ZNF844: variants seen among roughly 807,000 people sequenced by gnomAD.
The protein encoded by ZNF844 is zinc finger protein 844.
A neutral mutation model predicts 11.4 loss-of-function variants in ZNF844; 11 were observed. That is an observed-to-expected ratio of 0.97 (90% CI 0.61 to 1.60). The LOEUF (loss-of-function observed/expected upper bound fraction) is 1.60. ZNF844 is among the 40% of genes most tolerant of loss of function. The pLI is 0.00. For missense variants in ZNF844, 790 were observed against 796.8 expected, an observed-to-expected ratio of 0.99 and a Z score of 0.10; for synonymous variants, 248 against 260.3, an observed-to-expected ratio of 0.95 and a Z score of 0.46.
intron 1 of ZNF844, among the ~76,000 whole-genome samples, chr19:12,070,011 C>T (rs949954226): frequency 1.1e-4 from 16 of 149,110 alleles, no homozygotes; most frequent in Non-Finnish European, 2.2e-4. Flanking sequence ...AATCCCAGCT[C>T]GCAGGGAGGC....
At position 12,064,787 on chromosome 19, in the gene ZNF844, G is replaced by T; in HGVS notation, c.-87G>T. On this transcript the variant is annotated 5_prime_UTR_variant, in exon 1 of 4. In the 5' UTR this introduces an upstream ATG that the reference lacks. Coordinates refer to ENST00000439326, the MANE Select transcript of ZNF844 (RefSeq NM_001136501.3). ...GCACCCCGTTTTTCCTGCTCTGAGA[G>T]GGACCGGTTGCCACCGCCATACTTC... The T allele has an allele frequency of 6.8e-7, 1 of 1,462,108 alleles. No individual in the cohort carries two copies. The allele number at this position is 1,462,108 out of a possible 1,614,324, so 90.6% of individuals were successfully genotyped here. A position where few individuals can be genotyped will look rare whatever the true frequency, so the allele number is the denominator to read the frequency against.
At chr19:12,073,287 G>A (rs995197136) in intron 1 of ZNF844, among the ~76,000 whole-genome samples, 2 of 151,802 alleles carry the variant, frequency 1.3e-5, no homozygotes, top group African/African-American at 2.4e-5. Flanking sequence ...AGCCTCCCGA[G>A]TACCTGGGAT....
rs1227852335 is a variant in ZNF844, at chr19:12,075,707, C to T, written c.587C>T (p.Thr196Ile). 6.2e-7 allele frequency: 1 copy of T among 1,613,820 alleles called. No homozygotes were observed. The highest frequency in any genetic ancestry group is 8.5e-7 in the Non-Finnish European group (1 of 1,179,938). ...RHMIMHNGDG[T>I]YKCKFCGKAC... ...ATGATAATGCACAATGGAGATGGAA[C>T]TTATAAATGTAAGTTTTGTGGGAAA... Residue 196 changes from threonine (T) to isoleucine (I), a missense_variant, in exon 4 of 4, where the codon ACT becomes ATT. Coordinates refer to ENST00000439326, the MANE Select transcript of ZNF844 (RefSeq NM_001136501.3).
Position 12,074,363 on chromosome 19 carries a change from GA to G in ZNF844, c.138del (p.Lys46AsnfsTer18). ...CTTTTTCTGATTCTGTATTTTAGGA[GA>G]AAAATGGAAAGACCAGAACATTGAA... The part of the protein sequence containing the change: ...ETLRNLASIG[E>X]KWKDQNIEDQ... On this transcript the variant is annotated frameshift_variant, in exon 3 of 4. Coordinates refer to ENST00000439326, the MANE Select transcript of ZNF844 (RefSeq NM_001136501.3). LOFTEE classifies it high-confidence loss of function. 2 of 1,523,134 alleles carry G rather than the reference GA, an allele frequency of 1.3e-6. No homozygotes were observed. Among genetic ancestry groups the G allele is most frequent in the Non-Finnish European group, 1.8e-6 (2 of 1,137,552 alleles). 94.4% of individuals were successfully genotyped at this position (1,523,134 alleles called of 1,614,324 possible). A position where few individuals can be genotyped will look rare whatever the true frequency, so the allele number is the denominator to read the frequency against.
chr19:12,076,074 C>G lies in ZNF844; in HGVS notation c.954C>G (p.Phe318Leu). The change falls in exon 4 of 4, where the codon TTC becomes TTG. Residue 318 changes from phenylalanine to leucine, a missense_variant. By Grantham distance (22) the Phe-to-Leu change is conservative. This residue lies in a region of ZNF844 where 657 missense variants were observed against 636.2 expected (regional missense o/e 1.03). Transcript: ENST00000439326. ...AYECTKCGKA[F>L]KCPSYLCRHE... ...AATGTACCAAATGTGGGAAAGCATT[C>G]AAGTGTCCCAGTTATCTTTGTAGAC... 1 of 1,563,394 alleles carries G rather than the reference C, an allele frequency of 6.4e-7. No individual in the cohort carries two copies. Among genetic ancestry groups the G allele is most frequent in the Non-Finnish European group, 8.7e-7 (1 of 1,153,270 alleles).
In ZNF844 at chr19:12,075,540, A is replaced by C. The variant is rs932008069; in HGVS notation, c.420A>C (p.Pro140=). 1 of 1,613,990 alleles carries C rather than the reference A, an allele frequency of 6.2e-7. No homozygotes were observed. The highest frequency in any genetic ancestry group is 1.3e-5 in the African/African-American group (1 of 74,934). Residue 140 remains proline (P), a synonymous_variant, in exon 4 of 4, where the codon CCA becomes CCC. Transcript: ENST00000439326. ...AGTATCAGGAATATGGACAGGAGCC[A>C]TATAAGTGTCAACAACGTAAGAAAG... The part of the protein sequence containing the change: ...PSEYQEYGQE[P]YKCQQRKKAF...
intron 1 of ZNF844, among the ~76,000 whole-genome samples, chr19:12,065,509 G>C (rs1038437613): frequency 7.2e-5 from 11 of 152,110 alleles, no homozygotes; most frequent in African/African-American, 2.7e-4. Context: ...CCAGGGCATT[G>C]CAGTAAAGAA....
Position 12,075,814 on chromosome 19 carries a change from A to G in ZNF844, c.694A>G (p.Lys232Glu). The G allele has an allele frequency of 6.2e-7, 1 of 1,611,612 alleles. No individual in the cohort carries two copies. The highest frequency in any genetic ancestry group is 1.1e-5 in the South Asian group (1 of 90,638). The change falls in exon 4 of 4, where the codon AAA becomes GAA. Residue 232 changes from lysine to glutamate, a missense_variant. This residue lies in a region of ZNF844 where 657 missense variants were observed against 636.2 expected (regional missense o/e 1.03). Transcript: ENST00000439326. ...ACCATATAAATGTAAACAATGTGGT[A>G]AAGCCTTTAGTTATTCAACTTCCCT... ...EKPYKCKQCG[K>E]AFSYSTSLQI...
intron 3 of ZNF844, 98 bp downstream of exon 3, chr19:12,074,519 T>G (rs1225456341): frequency 2.3e-6 from 2 of 858,634 alleles, no homozygotes; most frequent in Non-Finnish European, 3.7e-6. Context: ...ATGCCTAGCA[T>G]TAAATTTATT....
In ZNF844 at chr19:12,076,785, G is replaced by A. The variant is rs528435632; in HGVS notation, c.1665G>A (p.Leu555=). The A allele has an allele frequency of 1.6e-5, 25 of 1,575,574 alleles. No individual in the cohort carries two copies. The highest frequency in any genetic ancestry group is 1.1e-4 in the African/African-American group (8 of 73,824). ...TCAAATTCATGAAAAGACACACCCT[G>A]GAGAGAAACCCTATAAGGAATATGG... ...ETFKFMKRHT[L]ERNPIRNMEK... Residue 555 remains leucine, a synonymous_variant, in exon 4 of 4, where the codon CTG becomes CTA. Coordinates refer to ENST00000439326, the MANE Select transcript of ZNF844 (RefSeq NM_001136501.3).
At chr19:12,074,475 G>A (rs1057290646) in intron 3 of ZNF844, 54 bp downstream of exon 3, 6 of 1,218,952 alleles carry the variant, frequency 4.9e-6, no homozygotes, top group African/African-American at 3.1e-5. Flanking sequence ...CTCAGAATGC[G>A]AGAATATGTT....
rs533784328 is a variant in ZNF844 at position 12,075,761 on chromosome 19, T to C, written c.641T>C (p.Ile214Thr). The part of the protein sequence containing the change: ...KACPCLSIYL[I>T]HERVHTGEKP... ...TGCCCTTGTCTCAGCATATATCTTA[T>C]ACATGAACGAGTTCACACTGGAGAG... The change falls in exon 4 of 4, where the codon ATA becomes ACA. Residue 214 changes from isoleucine to threonine, a missense_variant. Physicochemically the swap from Ile to Thr is moderately conservative, Grantham distance 89 (BLOSUM62 -1). Around this residue, in one of 3 missense-constraint regions of ZNF844, gnomAD observed 657 missense variants for 636.2 expected, o/e 1.03. Coordinates refer to ENST00000439326, the MANE Select transcript of ZNF844 (RefSeq NM_001136501.3). 41 of 1,613,706 alleles carry C rather than the reference T, an allele frequency of 2.5e-5. 1 individual carries two copies. The South Asian group carries it at 4.0e-4, about 16-fold the overall frequency.
chr19:12,077,422 C>A lies in ZNF844; in HGVS notation c.*301C>A. On this transcript the variant is annotated 3_prime_UTR_variant, in exon 4 of 4. Transcript: ENST00000439326. ...GGTAAAGCCTTCATGTCTTCTACTG[C>A]ATTTCAGTATCATGAAAAGACCCAC... is the stretch of plus-strand genomic sequence containing the variant. 1 of 657,170 alleles carries A rather than the reference C, an allele frequency of 1.5e-6. No homozygotes were observed. Among genetic ancestry groups the A allele is most frequent in the South Asian group, 1.4e-5 (1 of 70,048 alleles). 40.7% of individuals were successfully genotyped at this position (657,170 alleles called of 1,614,324 possible).
rs116913854 is a variant in ZNF844 at position 12,071,072 on chromosome 19, G to A, written c.4-2959G>A. On this transcript the variant is annotated intron_variant, in intron 1 of 3. Transcript: ENST00000439326. ...TCACTGAAGTATGATCAAGGAAGGAGTCCTTGAGATCCTCCCAGCCTAGTT... is the reference window on the plus strand; with the variant it reads ...TCACTGAAGTATGATCAAGGAAGGAATCCTTGAGATCCTCCCAGCCTAGTT... Among the ~76,000 whole-genome samples the A allele has an allele frequency of 8.3e-4, 126 of 152,212 alleles. 3 individuals carry two copies. In the South Asian group the frequency reaches 0.011, roughly 14 times the overall value.
chr19:12,068,073 G>A (rs1599397761), intron 1 of ZNF844, among the ~76,000 whole-genome samples: 1 of 152,048 alleles, frequency 6.6e-6, no homozygotes, highest in Non-Finnish European at 1.5e-5. Context: ...GTGGGTGGGC[G>A]AGGGGTTGTG....
chr19:12,064,919 G>C (rs1227870770), intron 1 of ZNF844, 43 bp downstream of exon 1: 1 of 1,547,298 alleles, frequency 6.5e-7, no homozygotes. Context: ...CTTGGGGGAG[G>C]GTAGGCGGAG....
intron 1 of ZNF844, among the ~76,000 whole-genome samples, chr19:12,071,633 G>A (rs1599399211): frequency 6.6e-6 from 1 of 150,824 alleles, no homozygotes; most frequent in East Asian, 1.9e-4. Flanking sequence ...GAGCTTCTTG[G>A]CCCTTTTCAT....
At position 12,064,772 on chromosome 19, in the gene ZNF844, T is replaced by G. The variant is rs542538202; in HGVS notation, c.-102T>G. On this transcript the variant is annotated 5_prime_UTR_variant, in exon 1 of 4. Transcript: ENST00000439326. ...CGCCGGGTGAGGTTGGCACCCCGTT[T>G]TTCCTGCTCTGAGAGGGACCGGTTG... 1 of 1,358,538 alleles carries G rather than the reference T, an allele frequency of 7.4e-7. No homozygotes were observed. Among genetic ancestry groups the G allele is most frequent in the Non-Finnish European group, 1.0e-6 (1 of 995,848 alleles). The allele number at this position is 1,358,538 out of a possible 1,614,324, so 84.2% of individuals were successfully genotyped here. A position where few individuals can be genotyped will look rare whatever the true frequency, so the allele number is the denominator to read the frequency against.
In ZNF844 at chr19:12,080,285, G is replaced by A; in HGVS notation, c.*3164G>A. The A allele has an allele frequency of 8.0e-6, 2 of 248,588 alleles. No individual in the cohort carries two copies. The highest frequency in any genetic ancestry group is 1.5e-5 in the Non-Finnish European group (2 of 129,358). The allele number at this position is 248,588 out of a possible 1,614,324, so 15.4% of individuals were successfully genotyped here. A position where few individuals can be genotyped will look rare whatever the true frequency, so the allele number is the denominator to read the frequency against. On this transcript the variant is annotated 3_prime_UTR_variant, in exon 4 of 4. Transcript: ENST00000439326. The stretch of plus-strand genomic sequence containing the variant: ...GAATGGCGTGAATCCAGGAGGCAGA[G>A]CTTGCAGTGAACCGAGATCGCGCCA...
Sources: gnomAD v4.1 joint callset for allele counts (sites outside exome capture counted in the v4.1 genomes callset) on GRCh38, gnomAD v4.1.1 for gene constraint, gnomAD v4.1.1 regional missense constraint, MANE v1.5 for transcripts, NCBI Gene and HGNC (gene_info 2026-07-23, HGNC 2026-07-21) for gene names.